The following IKZF3 variants were observed in gnomAD, a reference collection of about 807,000 sequenced individuals.
IKZF3 encodes the protein IKAROS family zinc finger 3.
A neutral mutation model predicts 49.0 loss-of-function variants in IKZF3; 10 were observed. The ratio of observed to expected loss-of-function variants is 0.20; its 90% CI spans 0.13 to 0.35. IKZF3 has a LOEUF of 0.35. Among genes scored for constraint, IKZF3 ranks in the 10% least tolerant of loss-of-function variants. IKZF3 has a pLI of 1.00. For synonymous variants in IKZF3, 209 were observed against 228.2 expected, an observed-to-expected ratio of 0.92 and a Z score of 0.76; for missense variants, 498 against 664.8, an observed-to-expected ratio of 0.75 and a Z score of 2.76.
At chr17:39,843,521 C>T (rs529507185) in intron 1 of IKZF3, among the ~76,000 whole-genome samples, 1 of 151,740 alleles carries the variant, frequency 6.6e-6, no homozygotes, top group African/African-American at 2.4e-5. Flanking sequence ...AGTCACTACA[C>T]AGAAAGATGG....
At chr17:39,809,395 C>G (rs1312374747) in intron 3 of IKZF3, among the ~76,000 whole-genome samples, 4 of 152,122 alleles carry the variant, frequency 2.6e-5, no homozygotes, top group Non-Finnish European at 5.9e-5. Context: ...CATGTTAAAC[C>G]CAGATAATCT....
intron 3 of IKZF3, among the ~76,000 whole-genome samples, chr17:39,820,119 A>G (rs1026382518): frequency 2.0e-5 from 3 of 152,360 alleles, no homozygotes; most frequent in Non-Finnish European, 4.4e-5. Context: ...GTAAATATCT[A>G]GCAAGGAAAA....
Position 39,772,625 on chromosome 17 carries a change from T to C in IKZF3, c.826+5026A>G, listed in dbSNP as rs1019014448. 2.9e-4 allele frequency among the ~76,000 whole-genome samples: 44 copies of C among 152,012 alleles called. 1 individual carries two copies. The highest frequency in any genetic ancestry group is 4.4e-5 in the Non-Finnish European group (3 of 67,980). On this transcript the variant is annotated intron_variant, in intron 7 of 7. Transcript: ENST00000346872. ...AAGGAGGAAAGAACAGAGAGAGCTG[T>C]GGGGGTGGCACTGGGGAAAGCTGAG...
chr17:39,805,401 TA>T (rs1294790026), intron 3 of IKZF3, among the ~76,000 whole-genome samples: 1 of 152,154 alleles, frequency 6.6e-6, no homozygotes, highest in African/African-American at 2.4e-5. Flanking sequence ...ACTCAAGGTA[TA>T]ACAATCAGAC....
chr17:39,843,784 G>A (rs1396622808), intron 1 of IKZF3, among the ~76,000 whole-genome samples: 1 of 151,008 alleles, frequency 6.6e-6, no homozygotes, highest in Admixed American at 6.6e-5. Flanking sequence ...TCCAGCCTGG[G>A]CGACAGAGTG....
chr17:39,784,230 C>T (rs1464210101), intron 6 of IKZF3, among the ~76,000 whole-genome samples: 2 of 152,102 alleles, frequency 1.3e-5, no homozygotes, highest in Non-Finnish European at 2.9e-5. Context: ...ATCTCTATAC[C>T]GGCTGTTAGT....
chr17:39,855,473 T>C (rs2063011446), intron 1 of IKZF3, among the ~76,000 whole-genome samples: 1 of 152,216 alleles, frequency 6.6e-6, no homozygotes, highest in African/African-American at 2.4e-5. Context: ...CGTGTAAAAA[T>C]GTTCTAGTTG....
chr17:39,861,862 T>A (rs142633024), intron 1 of IKZF3, among the ~76,000 whole-genome samples: 2 of 152,308 alleles, frequency 1.3e-5, no homozygotes, highest in African/African-American at 4.8e-5. Context: ...GATAAACTTA[T>A]CTCTTATGTA....
intron 1 of IKZF3, among the ~76,000 whole-genome samples, chr17:39,857,936 A>G (rs2063109715): frequency 6.6e-6 from 1 of 150,892 alleles, no homozygotes; most frequent in Admixed American, 6.6e-5. Flanking sequence ...CCAGCCTGCA[A>G]TGTAGAGAGA....
At chr17:39,816,828 C>T (rs1211412313) in intron 3 of IKZF3, among the ~76,000 whole-genome samples, 2 of 152,216 alleles carry the variant, frequency 1.3e-5, no homozygotes, top group East Asian at 1.9e-4. Flanking sequence ...ATTCTCCCAC[C>T]TCAGCCTCCC....
chr17:39,794,369 T>G (rs2061109437), intron 3 of IKZF3, among the ~76,000 whole-genome samples: 1 of 152,360 alleles, frequency 6.6e-6, no homozygotes, highest in African/African-American at 2.4e-5. Context: ...TTTAAAAAAC[T>G]ACATCCCTTC....
At chr17:39,774,952 A>G (rs1467862899) in intron 7 of IKZF3, among the ~76,000 whole-genome samples, 1 of 152,228 alleles carries the variant, frequency 6.6e-6, no homozygotes, top group Non-Finnish European at 1.5e-5. Context: ...TTCTAAACAC[A>G]CAGTGGTATC....
chr17:39,845,887 G>C (rs1476839190), intron 1 of IKZF3, among the ~76,000 whole-genome samples: 2 of 152,140 alleles, frequency 1.3e-5, no homozygotes, highest in African/African-American at 4.8e-5. Context: ...ACTTTTCAGA[G>C]GGTAAAAATA....
intron 1 of IKZF3, among the ~76,000 whole-genome samples, chr17:39,853,625 C>G (rs561220326): frequency 1.3e-5 from 2 of 151,790 alleles, no homozygotes; most frequent in East Asian, 3.9e-4. Flanking sequence ...CACCTGAGGT[C>G]AGGAGTTCAA....
At chr17:39,798,507 A>AT (rs35545323) in intron 3 of IKZF3, among the ~76,000 whole-genome samples, 6,354 of 138,136 alleles carry the variant, frequency 0.046, 346 homozygotes, top group African/African-American at 0.13. Context: ...CATCCTACGT[A>AT]TTTTTTTTTT....
At chr17:39,855,997 T>TATGTACAATATAACATGTATATTGTAC (rs1568073292) in intron 1 of IKZF3, among the ~76,000 whole-genome samples, 20 of 150,370 alleles carry the variant, frequency 1.3e-4, no homozygotes, top group Non-Finnish European at 3.0e-4. Context: ...GTATATTGTA[T>TATGTACAATATAACATGTATATTGTAC]ATGTACAATA....
At chr17:39,801,159 G>A (rs1048893435) in intron 3 of IKZF3, among the ~76,000 whole-genome samples, 8 of 152,098 alleles carry the variant, frequency 5.3e-5, no homozygotes, top group Non-Finnish European at 8.8e-5. Flanking sequence ...GGCACAAAAG[G>A]GTGATGTTAT....
chr17:39,792,419 A>T (rs2061048170), intron 4 of IKZF3, among the ~76,000 whole-genome samples: 1 of 152,228 alleles, frequency 6.6e-6, no homozygotes, highest in Non-Finnish European at 1.5e-5. Flanking sequence ...ACTGAAGAAA[A>T]AGTATTTGGC....
intron 7 of IKZF3, among the ~76,000 whole-genome samples, chr17:39,768,949 T>TA (rs1035104156): frequency 2.0e-5 from 3 of 152,172 alleles, no homozygotes; most frequent in Admixed American, 6.5e-5. Flanking sequence ...CCCCCTTTGT[T>TA]AAAAACAGAG....
Sources: allele counts gnomAD v4.1 joint callset (sites outside exome capture counted in the v4.1 genomes callset), GRCh38; gene constraint gnomAD v4.1.1; transcripts MANE v1.5; gene names NCBI Gene and HGNC (gene_info 2026-07-23, HGNC 2026-07-21).